The following PDLIM4 variants were observed in gnomAD, a reference collection of about 807,000 sequenced individuals.
The protein encoded by PDLIM4 is PDZ and LIM domain protein 4.
A neutral mutation model predicts 31.3 loss-of-function variants in PDLIM4; 19 were observed. The ratio of observed to expected loss-of-function variants is 0.61; its 90% CI spans 0.42 to 0.89. The LOEUF (loss-of-function observed/expected upper bound fraction) is 0.89. Among genes scored for constraint, PDLIM4 ranks in the 40% least tolerant of loss-of-function variants. PDLIM4 has a pLI of 0.00. For synonymous variants in PDLIM4, 176 were observed against 190.1 expected, an observed-to-expected ratio of 0.93 and a Z score of 0.61; for missense variants, 442 against 461.1, an observed-to-expected ratio of 0.96 and a Z score of 0.38.
rs1756667672 is a variant in PDLIM4, at chr5:132,273,065, C to A, written c.*836C>A. 1 of 152,386 alleles carries A rather than the reference C, an allele frequency of 6.6e-6. No individual in the cohort carries two copies. The highest frequency in any genetic ancestry group is 6.5e-5 in the Admixed American group (1 of 15,288). The allele number at this position is 152,386 out of a possible 1,614,324, so 9.4% of individuals were successfully genotyped here. ...CCCTCCTCGAAGTCCCGGCTTCCAC[C>A]CCTCTCCTCAGAGTCCCGGCGTTTA... is the stretch of plus-strand genomic sequence containing the variant. On this transcript the variant is annotated 3_prime_UTR_variant, in exon 7 of 7. Coordinates refer to ENST00000253754, the MANE Select transcript of PDLIM4 (RefSeq NM_003687.4).
chr5:132,265,669 G>C (rs540245707), intron 2 of PDLIM4, among the ~76,000 whole-genome samples: 2 of 152,168 alleles, frequency 1.3e-5, no homozygotes, highest in African/African-American at 2.4e-5. Context: ...AGGAGGCTTC[G>C]TGGGGTGAGT....
In PDLIM4 at chr5:132,262,776, C is replaced by T; in HGVS notation, c.245+16C>T. ...CTGTGAGCAGGTATGCACAGGTGGG[C>T]TGGGCTGGGAGGATGGAAGGACGAG... On this transcript the variant is annotated intron_variant, in intron 2 of 6. Coordinates refer to ENST00000253754, the MANE Select transcript of PDLIM4 (RefSeq NM_003687.4). The T allele has an allele frequency of 1.2e-6, 2 of 1,602,964 alleles. No individual in the cohort carries two copies. Among genetic ancestry groups the T allele is most frequent in the East Asian group, 2.3e-5 (1 of 44,436 alleles).
chr5:132,262,064 T>TA (rs1756387253), intron 1 of PDLIM4, among the ~76,000 whole-genome samples: 1 of 152,114 alleles, frequency 6.6e-6, no homozygotes, highest in African/African-American at 2.4e-5. Context: ...AGGTGAGTGA[T>TA]ATATGGTGCC....
intron 1 of PDLIM4, among the ~76,000 whole-genome samples, chr5:132,261,124 A>G (rs948087399): frequency 2.6e-5 from 4 of 152,216 alleles, no homozygotes; most frequent in Non-Finnish European, 4.4e-5. Flanking sequence ...GGTAAAGCAT[A>G]GAGCCCAGGC....
At chr5:132,267,158 G>C (rs1033004498) in intron 3 of PDLIM4, among the ~76,000 whole-genome samples, 1 of 152,194 alleles carries the variant, frequency 6.6e-6, no homozygotes, top group African/African-American at 2.4e-5. Flanking sequence ...TAGCCAAGTG[G>C]GGATGACTGA....
chr5:132,269,599 G>T (rs1427006386), intron 3 of PDLIM4, among the ~76,000 whole-genome samples: 1 of 151,860 alleles, frequency 6.6e-6, no homozygotes, highest in African/African-American at 2.4e-5. Context: ...CTGTTCCCCA[G>T]GTTCCCACCC....
chr5:132,258,610 T>C (rs2126668748), intron 1 of PDLIM4, among the ~76,000 whole-genome samples: 1 of 152,190 alleles, frequency 6.6e-6, no homozygotes, highest in African/African-American at 2.4e-5. Context: ...AGGGGGTGCC[T>C]GTCTAGGGGA....
At chr5:132,264,964 G>A (rs1322464778) in intron 2 of PDLIM4, among the ~76,000 whole-genome samples, 24 of 151,940 alleles carry the variant, frequency 1.6e-4, no homozygotes, top group Admixed American at 1.6e-3. Context: ...TTCCCCACTG[G>A]GCTTCTTTTG....
At position 132,262,776 on chromosome 5, in the gene PDLIM4, C is replaced by A; in HGVS notation, c.245+16C>A. ...CTGTGAGCAGGTATGCACAGGTGGG[C>A]TGGGCTGGGAGGATGGAAGGACGAG... On this transcript the variant is annotated intron_variant, in intron 2 of 6. Coordinates refer to ENST00000253754, the MANE Select transcript of PDLIM4 (RefSeq NM_003687.4). 1 of 1,602,962 alleles carries A rather than the reference C, an allele frequency of 6.2e-7. No homozygotes were observed. The highest frequency in any genetic ancestry group is 8.5e-7 in the Non-Finnish European group (1 of 1,173,038).
At chr5:132,260,439 C>T (rs552142619) in intron 1 of PDLIM4, among the ~76,000 whole-genome samples, 2 of 151,850 alleles carry the variant, frequency 1.3e-5, no homozygotes, top group Non-Finnish European at 2.9e-5. Context: ...GTGTACAAGA[C>T]TCTGCAATAT....
intron 1 of PDLIM4, among the ~76,000 whole-genome samples, chr5:132,260,333 A>G (rs1484332547): frequency 6.6e-6 from 1 of 152,124 alleles, no homozygotes; most frequent in East Asian, 1.9e-4. Flanking sequence ...TAGGAGCTAG[A>G]CGGATCGGCC....
At chr5:132,259,099 C>T (rs1756312119) in intron 1 of PDLIM4, among the ~76,000 whole-genome samples, 2 of 151,882 alleles carry the variant, frequency 1.3e-5, no homozygotes, top group Admixed American at 1.3e-4. Flanking sequence ...TCAACACATC[C>T]CAGAGCCTTT....
At chr5:132,262,531 T>G (rs1756396930) in intron 1 of PDLIM4, 78 bp from the exon 2 acceptor site, 7 of 1,335,322 alleles carry the variant, frequency 5.2e-6, no homozygotes, top group African/African-American at 1.5e-5. Context: ...GGTTCTGAGG[T>G]TGGAGGAGGC....
intron 1 of PDLIM4, among the ~76,000 whole-genome samples, chr5:132,262,394 G>A (rs887521167): frequency 6.6e-6 from 1 of 152,196 alleles, no homozygotes; most frequent in Admixed American, 6.5e-5. Flanking sequence ...CTCATGCCCT[G>A]CCAGGCCTCC....
intron 5 of PDLIM4, 82 bp from the exon 6 acceptor site, chr5:132,271,709 T>C (rs10479000): frequency 0.39 from 423,789 of 1,099,442 alleles, 92,255 homozygotes; most frequent in Non-Finnish European, 0.46. Flanking sequence ...CGATGGCCCG[T>C]CTGGCGCCCA....
chr5:132,271,828 G>A lies in PDLIM4; in HGVS notation c.708G>A (p.Lys236=), dbSNP rs747013369. 5.6e-6 allele frequency: 9 copies of A among 1,612,834 alleles called. No homozygotes were observed. The highest frequency in any genetic ancestry group is 1.3e-5 in the African/African-American group (1 of 74,924). Residue 236 remains lysine, a synonymous_variant, in exon 6 of 7, where the codon AAG becomes AAA. Transcript: ENST00000253754. ...WPGPGGPRNL[K]PTASKLGAPL... is the part of the protein sequence containing the mutation. ...GGCCTGGCGGCCCCCGGAACCTCAA[G>A]CCCACGGCCAGCAAGCTGGGCGCTC...
chr5:132,272,060 A>G lies in PDLIM4; in HGVS notation c.824A>G (p.His275Arg), dbSNP rs1407369714. Residue 275 changes from histidine (H) to arginine (R), a missense_variant, in exon 7 of 7, where the codon CAT becomes CGT. Coordinates refer to ENST00000253754, the MANE Select transcript of PDLIM4 (RefSeq NM_003687.4). ...TIVKARDKLY[H>R]PECFMCSDCG... ...GTCAAGGCACGGGACAAGCTCTACCATCCCGAGTGCTTCATGTGCAGTGAC... is the reference window on the plus strand; with the variant it reads ...GTCAAGGCACGGGACAAGCTCTACCGTCCCGAGTGCTTCATGTGCAGTGAC... The G allele has an allele frequency of 6.2e-7, 1 of 1,614,212 alleles. No individual in the cohort carries two copies. Among genetic ancestry groups the G allele is most frequent in the Non-Finnish European group, 8.5e-7 (1 of 1,180,016 alleles).
chr5:132,269,336 C>T (rs558793457), intron 3 of PDLIM4, among the ~76,000 whole-genome samples: 14 of 151,732 alleles, frequency 9.2e-5, no homozygotes, highest in African/African-American at 7.2e-5. Context: ...AGCCTCTGCC[C>T]GGAGGCTGAG....
At chr5:132,262,122 T>C (rs1431833779) in intron 1 of PDLIM4, among the ~76,000 whole-genome samples, 1 of 152,034 alleles carries the variant, frequency 6.6e-6, no homozygotes. Flanking sequence ...AGTGTGGGTG[T>C]GGAGGTGGGG....
Sources: gnomAD v4.1 joint callset for allele counts (sites outside exome capture counted in the v4.1 genomes callset) on GRCh38, gnomAD v4.1.1 for gene constraint, MANE v1.5 for transcripts, NCBI Gene and HGNC (gene_info 2026-07-23, HGNC 2026-07-21) for gene names.